The following RIMS2 variants were observed in gnomAD, a reference collection of about 807,000 sequenced individuals.
The protein encoded by RIMS2 is regulating synaptic membrane exocytosis 2, also known as regulating synaptic membrane exocytosis protein 2.
A neutral mutation model predicts 174.4 loss-of-function variants in RIMS2; 59 were observed. The observed-to-expected ratio is 0.34, with a 90% CI of 0.27 to 0.42. The LOEUF is 0.42. Among genes scored for constraint, RIMS2 ranks in the 10% least tolerant of loss-of-function variants. RIMS2 has a pLI of 1.00. For synonymous variants in RIMS2, 606 were observed against 572.5 expected (o/e 1.06, Z -0.84); for missense variants, 1,620 against 1,666.3 (o/e 0.97, Z 0.48).
intron 1 of RIMS2, among the ~76,000 whole-genome samples, chr8:103,608,875 ACCTGCGCCCACTGTCTGGCACTC>A (rs1370931931): frequency 6.6e-6 from 1 of 152,164 alleles, no homozygotes; most frequent in Non-Finnish European, 1.5e-5. Context: ...GCACCCACTG[ACCTGCGCCCACTGTCTGGCACTC>A]CCTAGTGAGA....
intron 19 of RIMS2, among the ~76,000 whole-genome samples, chr8:104,097,684 G>A (rs937527945): frequency 2.6e-5 from 4 of 151,764 alleles, no homozygotes; most frequent in Non-Finnish European, 5.9e-5. Context: ...AGGTTACTGT[G>A]CATTGTGGCA....
At chr8:103,822,686 G>A (rs896842693) in intron 3 of RIMS2, among the ~76,000 whole-genome samples, 4 of 151,794 alleles carry the variant, frequency 2.6e-5, no homozygotes, top group African/African-American at 7.2e-5. Context: ...ACAACTGGAC[G>A]TCTAGCAAAA....
intron 19 of RIMS2, among the ~76,000 whole-genome samples, chr8:104,129,374 C>G (rs1424768145): frequency 2.6e-5 from 4 of 152,158 alleles, no homozygotes; most frequent in Non-Finnish European, 5.9e-5. Context: ...ACGAGCAAGA[C>G]CCTGTCTCAA....
intron 1 of RIMS2, among the ~76,000 whole-genome samples, chr8:103,684,539 T>TTTTA (rs1554742033): frequency 7.4e-6 from 1 of 134,414 alleles, no homozygotes; most frequent in African/African-American, 2.8e-5. Flanking sequence ...GTTCATACTT[T>TTTTA]TTTTATTTTA....
In RIMS2 at chr8:103,768,508, A is replaced by C; in HGVS notation, c.698+1971A>C. ...TGATTCATGGCCGTGTCCGCCTGCT[A>C]ATGAGTAAGGGGCATTCCTGTTACA... On this transcript the variant is annotated intron_variant, in intron 3 of 23. Coordinates refer to ENST00000504942, the Ensembl canonical transcript of RIMS2. 3 of 1,088,700 alleles carry C rather than the reference A, an allele frequency of 2.8e-6. No homozygotes were observed. In the South Asian group the frequency reaches 3.7e-5, roughly 14 times the overall value. The allele number at this position is 1,088,700 out of a possible 1,614,324, so 67.4% of individuals were successfully genotyped here. A position where few individuals can be genotyped will look rare whatever the true frequency, so the allele number is the denominator to read the frequency against.
chr8:104,132,453 T>C (rs946530689), intron 19 of RIMS2, among the ~76,000 whole-genome samples: 1 of 152,194 alleles, frequency 6.6e-6, no homozygotes, highest in African/African-American at 2.4e-5. Flanking sequence ...AGGTACTTAT[T>C]ACCTAAATTT....
At chr8:104,059,546 T>A (rs1306403522) in intron 19 of RIMS2, among the ~76,000 whole-genome samples, 1 of 145,038 alleles carries the variant, frequency 6.9e-6, no homozygotes, top group Non-Finnish European at 1.5e-5. Context: ...CTTTTCCTAA[T>A]TGAATACCCT....
chr8:103,744,782 G>T (rs1186976834), intron 2 of RIMS2, among the ~76,000 whole-genome samples: 1 of 152,154 alleles, frequency 6.6e-6, no homozygotes, highest in East Asian at 1.9e-4. Context: ...TTCTGAGAAG[G>T]TCTCATCATG....
At chr8:103,687,947 T>C (rs993551717) in intron 1 of RIMS2, among the ~76,000 whole-genome samples, 10 of 152,128 alleles carry the variant, frequency 6.6e-5, no homozygotes, top group African/African-American at 2.2e-4. Context: ...ATATTGACTA[T>C]TGTAAATAAT....
intron 19 of RIMS2, among the ~76,000 whole-genome samples, chr8:104,090,104 A>T (rs1411062550): frequency 6.6e-6 from 1 of 151,546 alleles, no homozygotes; most frequent in East Asian, 1.9e-4. Flanking sequence ...GCCCAATGAC[A>T]AGAGGTCATG....
chr8:103,566,399 T>G (rs961380808), intron 1 of RIMS2, among the ~76,000 whole-genome samples: 1 of 152,162 alleles, frequency 6.6e-6, no homozygotes, highest in African/African-American at 2.4e-5. Context: ...ATGTTCAAAG[T>G]TGTCATTTTC....
intron 2 of RIMS2, among the ~76,000 whole-genome samples, chr8:103,724,009 C>T (rs1368044938): frequency 5.3e-5 from 8 of 152,120 alleles, no homozygotes; most frequent in South Asian, 4.1e-4. Flanking sequence ...AGGCCTGATA[C>T]TGGGGTACCC....
intron 2 of RIMS2, among the ~76,000 whole-genome samples, chr8:103,715,043 A>G (rs2097351958): frequency 6.6e-6 from 1 of 152,192 alleles, no homozygotes; most frequent in African/African-American, 2.4e-5. Context: ...TTAGCTGATC[A>G]ATTAAATTAC....
intron 2 of RIMS2, among the ~76,000 whole-genome samples, chr8:103,742,408 G>C (rs1468175758): frequency 6.6e-6 from 1 of 152,084 alleles, no homozygotes; most frequent in Non-Finnish European, 1.5e-5. Flanking sequence ...GAGTCTGTAA[G>C]TAATATCTTC....
chr8:104,229,564 T>C (rs1373748373), intron 19 of RIMS2, among the ~76,000 whole-genome samples: 1 of 152,150 alleles, frequency 6.6e-6, no homozygotes. Flanking sequence ...CAGAAGGCTG[T>C]TAGGAACCCA....
In RIMS2 at chr8:103,618,121, A is replaced by G. The variant is rs149816682; in HGVS notation, c.177-78965A>G. ...ATCAGTGACAGACTAGATAAAGAAA[A>G]TGTGGTACACATACTCCATGGAATA... is the stretch of plus-strand genomic sequence containing the variant. On this transcript the variant is annotated intron_variant, in intron 1 of 23. Coordinates refer to ENST00000504942, the Ensembl canonical transcript of RIMS2. 1.5e-3 allele frequency among the ~76,000 whole-genome samples: 236 copies of G among 152,300 alleles called. 4 individuals are homozygous for G. The East Asian group carries it at 0.039, about 25-fold the overall frequency.
chr8:103,757,564 T>C (rs1018409197), intron 2 of RIMS2, among the ~76,000 whole-genome samples: 1 of 152,156 alleles, frequency 6.6e-6, no homozygotes, highest in African/African-American at 2.4e-5. Context: ...ATTTTGTCTA[T>C]GGTAGGCAGA....
At chr8:103,519,184 A>G (rs1830458135) in intron 1 of RIMS2, among the ~76,000 whole-genome samples, 1 of 152,164 alleles carries the variant, frequency 6.6e-6, no homozygotes, top group African/African-American at 2.4e-5. Context: ...GTGAATTTAT[A>G]TGTCATATAT....
chr8:103,969,757 CT>C (rs1177254568), intron 15 of RIMS2, among the ~76,000 whole-genome samples: 2 of 151,148 alleles, frequency 1.3e-5, no homozygotes, highest in African/African-American at 2.4e-5. Flanking sequence ...TTTTTTCTTT[CT>C]TTTTTTTTAG....
Sources: allele counts gnomAD v4.1 joint callset (sites outside exome capture counted in the v4.1 genomes callset), GRCh38; gene constraint gnomAD v4.1.1; transcripts MANE v1.5; gene names NCBI Gene and HGNC (gene_info 2026-07-23, HGNC 2026-07-21).